The following LINGO2 variants were observed in gnomAD, a reference collection of about 807,000 sequenced individuals.
LINGO2 encodes leucine rich repeat and Ig domain containing 2.
A neutral mutation model predicts 30.6 loss-of-function variants in LINGO2; 14 were observed. The observed-to-expected ratio is 0.46, with a 90% confidence interval of 0.30 to 0.72. LINGO2 has a LOEUF of 0.72. Among genes scored for constraint, LINGO2 ranks in the 30% least tolerant of loss-of-function variants. LINGO2 has a pLI of 0.07. For synonymous variants in LINGO2, 317 were observed against 288.5 expected (o/e 1.10, Z -1.00); for missense variants, 729 against 751.7 (o/e 0.97, Z 0.35).
chr9:28,942,671 T>C, the LINGO2 span, among the ~76,000 whole-genome samples: 1 of 152,216 alleles, frequency 6.6e-6, no homozygotes, highest in African/African-American at 2.4e-5. Context: ...ATTTTCTTAT[T>C]TGCTCCTTGT....
At chr9:28,939,259 G>C in the LINGO2 span, among the ~76,000 whole-genome samples, 1 of 152,096 alleles carries the variant, frequency 6.6e-6, no homozygotes, top group African/African-American at 2.4e-5. Flanking sequence ...CCTCTGCTAG[G>C]ACCTCCCTCA....
chr9:28,402,363 A>C (rs1822306623), intron 2 of LINGO2, among the ~76,000 whole-genome samples: 1 of 152,198 alleles, frequency 6.6e-6, no homozygotes, highest in African/African-American at 2.4e-5. Flanking sequence ...ACTTCATATT[A>C]TATATAAATC....
the LINGO2 span, among the ~76,000 whole-genome samples, chr9:29,026,955 A>G: frequency 6.6e-6 from 1 of 152,224 alleles, no homozygotes; most frequent in Non-Finnish European, 1.5e-5. Context: ...ACTAAATAAA[A>G]TAACAACTAC....
At chr9:28,737,220 G>A in the LINGO2 span, among the ~76,000 whole-genome samples, 1 of 152,168 alleles carries the variant, frequency 6.6e-6, no homozygotes, top group Non-Finnish European at 1.5e-5. Flanking sequence ...ACAGGAAAAA[G>A]GAGGCCTGGG....
chr9:29,166,266 C>A, the LINGO2 span, among the ~76,000 whole-genome samples: 1 of 151,982 alleles, frequency 6.6e-6, no homozygotes, highest in African/African-American at 2.4e-5. Flanking sequence ...TGGATGTGAT[C>A]TTAGTTATTC....
At chr9:29,071,519 GTA>G in the LINGO2 span, among the ~76,000 whole-genome samples, 36 of 75,182 alleles carry the variant, frequency 4.8e-4, no homozygotes, top group East Asian at 1.8e-3. Flanking sequence ...ATATATATAT[GTA>G]TATGTATATA....
chr9:28,826,888 A>T, the LINGO2 span, among the ~76,000 whole-genome samples: 4 of 151,996 alleles, frequency 2.6e-5, no homozygotes, highest in African/African-American at 9.7e-5. Context: ...TGTAAGTTTG[A>T]CTCCTGCAAT....
the LINGO2 span, among the ~76,000 whole-genome samples, chr9:29,213,506 GTGAGGAGGCTT>G: frequency 6.6e-6 from 1 of 152,098 alleles, no homozygotes; most frequent in East Asian, 1.9e-4. Context: ...GCGGCGCCAG[GTGAGGAGGCTT>G]TGAGGAGGCG....
the LINGO2 span, among the ~76,000 whole-genome samples, chr9:29,090,143 T>G: frequency 6.6e-6 from 1 of 152,044 alleles, no homozygotes; most frequent in East Asian, 1.9e-4. Flanking sequence ...GATTGATATA[T>G]AGAGAGATTC....
the LINGO2 span, among the ~76,000 whole-genome samples, chr9:29,002,681 C>T: frequency 6.6e-6 from 1 of 152,016 alleles, no homozygotes; most frequent in African/African-American, 2.4e-5. Flanking sequence ...CGCTCTGTCA[C>T]TATATATACC....
the LINGO2 span, among the ~76,000 whole-genome samples, chr9:29,161,284 T>C: frequency 6.6e-6 from 1 of 152,114 alleles, no homozygotes; most frequent in Non-Finnish European, 1.5e-5. Flanking sequence ...AGCTGCTGAA[T>C]AAAACCATAT....
intron 4 of LINGO2, among the ~76,000 whole-genome samples, chr9:28,064,416 G>A (rs1042380298): frequency 6.6e-6 from 1 of 152,060 alleles, no homozygotes; most frequent in African/African-American, 2.4e-5. Context: ...AAGCCAGGCA[G>A]GTCTGCATTG....
chr9:28,075,392 T>A (rs1052830628), intron 4 of LINGO2, among the ~76,000 whole-genome samples: 1 of 151,954 alleles, frequency 6.6e-6, no homozygotes, highest in African/African-American at 2.4e-5. Flanking sequence ...GTTTTTATGA[T>A]TATAATTAAT....
chr9:28,216,743 A>C (rs1052625038), intron 4 of LINGO2, among the ~76,000 whole-genome samples: 9 of 151,932 alleles, frequency 5.9e-5, no homozygotes, highest in African/African-American at 2.2e-4. Flanking sequence ...ATTTCTTAGA[A>C]CTAAAATGGC....
At chr9:28,672,943 G>A (rs1829078248), upstream of LINGO2, among the ~76,000 whole-genome samples, 1 of 152,094 alleles carries the variant, frequency 6.6e-6, no homozygotes. Context: ...TTATGTTGGT[G>A]AAGTAAAGAG....
rs1331893427 is a variant in LINGO2, at chr9:28,060,886, TC to T, written c.-86-48482del. On this transcript the variant is annotated intron_variant, in intron 4 of 5. Coordinates refer to ENST00000379992, the Ensembl canonical transcript of LINGO2. ...TCTTCTTTTCTTGGAAATGCCATGC[TC>T]CTTTCTCTTCAGGGTTTACAGATAC... 2.0e-5 allele frequency among the ~76,000 whole-genome samples: 3 copies of T among 152,200 alleles called. No homozygotes were observed. In the East Asian group the frequency reaches 5.8e-4, roughly 29 times the overall value.
At chr9:28,654,696 G>A (rs547357880) in intron 1 of LINGO2, among the ~76,000 whole-genome samples, 7 of 152,110 alleles carry the variant, frequency 4.6e-5, no homozygotes, top group African/African-American at 1.7e-4. Flanking sequence ...TCCTCTTCAC[G>A]GCAGCAATGC....
chr9:29,053,582 A>C, the LINGO2 span, among the ~76,000 whole-genome samples: 2 of 152,184 alleles, frequency 1.3e-5, no homozygotes, highest in African/African-American at 4.8e-5. Context: ...TTAAAAGAAA[A>C]AGAAAAATAT....
At chr9:28,431,475 C>G (rs554888878) in intron 2 of LINGO2, among the ~76,000 whole-genome samples, 1 of 152,058 alleles carries the variant, frequency 6.6e-6, no homozygotes, top group Non-Finnish European at 1.5e-5. Flanking sequence ...ATCTATAGAA[C>G]AATTGTTTGG....
Sources: gnomAD v4.1 joint callset for allele counts (sites outside exome capture counted in the v4.1 genomes callset) on GRCh38, gnomAD v4.1.1 for gene constraint, MANE v1.5 for transcripts, NCBI Gene and HGNC (gene_info 2026-07-23, HGNC 2026-07-21) for gene names.